Variants in GUCY1A2 observed in about 807,000 individuals in gnomAD.
The protein encoded by GUCY1A2 is guanylate cyclase 1 soluble subunit alpha 2, also known as guanylate cyclase soluble subunit alpha-2.
In GUCY1A2, 27 loss-of-function variants were observed where a neutral mutation model predicts 63.5. The observed-to-expected ratio is 0.43, with a 90% CI of 0.31 to 0.59. GUCY1A2 has a LOEUF of 0.59. Among genes scored for constraint, GUCY1A2 ranks in the 20% least tolerant of loss-of-function variants. GUCY1A2 has a pLI of 0.11. For synonymous variants in GUCY1A2, 364 were observed against 343.5 expected (o/e 1.06, Z -0.66); for missense variants, 768 against 913.3 (o/e 0.84, Z 2.05).
rs1348279151 is a variant in GUCY1A2, at chr11:106,798,302, C to CA, written c.1692+11690dup. 1.1e-4 allele frequency among the ~76,000 whole-genome samples: 17 copies of CA among 152,176 alleles called. No individual in the cohort carries two copies. The East Asian group carries it at 3.1e-3, about 28-fold the overall frequency. ...CTACCAACCAAAAAAAGTCCAGGAC[C>CA]AGACGGATTCACAGCCGAATTCTAC... On this transcript the variant is annotated intron_variant, in intron 5 of 7. Coordinates refer to ENST00000526355, the MANE Select transcript of GUCY1A2 (RefSeq NM_000855.3).
chr11:106,710,335 TA>T (rs1863092421), intron 6 of GUCY1A2, among the ~76,000 whole-genome samples: 1 of 71,018 alleles, frequency 1.4e-5, no homozygotes, highest in African/African-American at 6.0e-5. Flanking sequence ...GTTATATATA[TA>T]ATATATAGTT....
rs1272051461 is a variant in GUCY1A2 at position 106,891,430 on chromosome 11, A to G, written c.1206+48030T>C. Among the ~76,000 whole-genome samples the G allele has an allele frequency of 1.3e-5, 2 of 152,120 alleles. 1 individual carries two copies. Among genetic ancestry groups the G allele is most frequent in the East Asian group, 3.8e-4 (2 of 5,202 alleles). The stretch of plus-strand genomic sequence containing the variant: ...CACTTTCTGCCTTTTGATGAAGAAA[A>G]TATTTAATTTTGATGAAATTTAATT... On this transcript the variant is annotated intron_variant, in intron 4 of 7. Transcript: ENST00000526355.
chr11:106,738,317 A>G (rs567011507), intron 6 of GUCY1A2, among the ~76,000 whole-genome samples: 1 of 152,292 alleles, frequency 6.6e-6, no homozygotes, highest in South Asian at 2.1e-4. Context: ...ATAGATTGCA[A>G]AAACTTTCTC....
intron 4 of GUCY1A2, among the ~76,000 whole-genome samples, chr11:106,823,609 C>A (rs972324160): frequency 2.6e-5 from 4 of 152,052 alleles, no homozygotes; most frequent in Non-Finnish European, 4.4e-5. Context: ...ATTGCTGGGT[C>A]AAACAGTGGT....
At chr11:106,756,728 A>T (rs1444815802) in intron 6 of GUCY1A2, among the ~76,000 whole-genome samples, 2 of 152,174 alleles carry the variant, frequency 1.3e-5, no homozygotes, top group Non-Finnish European at 2.9e-5. Flanking sequence ...TGTTAGTCTG[A>T]TGAGCTTCCC....
Position 106,685,411 on chromosome 11 carries a change from G to T in GUCY1A2, c.*2138C>A. The T allele has an allele frequency of 4.6e-6, 1 of 218,210 alleles. No individual in the cohort carries two copies. The highest frequency in any genetic ancestry group is 6.8e-5 in the East Asian group (1 of 14,678). The allele number at this position is 218,210 out of a possible 1,614,324, so 13.5% of individuals were successfully genotyped here. A position where few individuals can be genotyped will look rare whatever the true frequency, so the allele number is the denominator to read the frequency against. ...TATGGAGATAATAAATATGTGTTTA[G>T]AGTAGTTGCTTAGACAAATCTTTAT... On this transcript the variant is annotated 3_prime_UTR_variant, in exon 8 of 8. Coordinates refer to ENST00000526355, the MANE Select transcript of GUCY1A2 (RefSeq NM_000855.3).
chr11:106,730,190 G>A (rs1863478896), intron 6 of GUCY1A2, among the ~76,000 whole-genome samples: 1 of 150,484 alleles, frequency 6.6e-6, no homozygotes, highest in Non-Finnish European at 1.5e-5. Flanking sequence ...CATGTCACGG[G>A]TGTTTGTTGT....
chr11:107,017,998 C>T lies in GUCY1A2; in HGVS notation c.58G>A (p.Glu20Lys), dbSNP rs1458290338. Reference protein sequence around the residue: ...SFSSLGSDYLETSPEEEGECP... With the variant: ...SFSSLGSDYLKTSPEEEGECP... ...TCCCCCTCCTCCTCCGGGCTGGTCT[C>T]CAGGTAGTCGGAGCCCAGGGAGCTG... is the stretch of plus-strand genomic sequence containing the variant. The change falls in exon 1 of 8, where the codon GAG (glutamate) becomes AAG (lysine). Residue 20 changes from glutamate (E) to lysine (K), a missense_variant. Glu to Lys is a moderately conservative substitution (Grantham distance 56). Around this residue, in one of 3 missense-constraint regions of GUCY1A2, gnomAD observed 496 missense variants for 486.9 expected, o/e 1.02. Coordinates refer to ENST00000526355, the MANE Select transcript of GUCY1A2 (RefSeq NM_000855.3). The T allele has an allele frequency of 1.4e-6, 2 of 1,467,410 alleles. No individual in the cohort carries two copies. The highest frequency in any genetic ancestry group is 1.8e-6 in the Non-Finnish European group (2 of 1,098,342). 90.9% of individuals were successfully genotyped at this position (1,467,410 alleles called of 1,614,324 possible).
At chr11:106,853,848 G>A (rs1859389701) in intron 4 of GUCY1A2, among the ~76,000 whole-genome samples, 1 of 152,158 alleles carries the variant, frequency 6.6e-6, no homozygotes, top group Non-Finnish European at 1.5e-5. Context: ...TCAGTAGGGT[G>A]TTTTGGCTTT....
intron 1 of GUCY1A2, among the ~76,000 whole-genome samples, chr11:106,991,165 C>A (rs1014445838): frequency 1.6e-4 from 24 of 146,786 alleles, no homozygotes; most frequent in African/African-American, 6.0e-4. Flanking sequence ...TTTTTTTTTT[C>A]TTTTTTTGTA....
intron 7 of GUCY1A2, among the ~76,000 whole-genome samples, chr11:106,693,993 T>C (rs1862672552): frequency 6.6e-6 from 1 of 152,210 alleles, no homozygotes; most frequent in African/African-American, 2.4e-5. Flanking sequence ...TATCTTTCTA[T>C]TTAAGTATAA....
At chr11:106,999,494 T>C (rs779142946) in intron 1 of GUCY1A2, among the ~76,000 whole-genome samples, 17 of 152,206 alleles carry the variant, frequency 1.1e-4, no homozygotes, top group Non-Finnish European at 1.8e-4. Context: ...GTAACATCTT[T>C]ACATGGTTTA....
At chr11:106,751,543 A>G (rs1292111611) in intron 6 of GUCY1A2, among the ~76,000 whole-genome samples, 1 of 150,874 alleles carries the variant, frequency 6.6e-6, no homozygotes, top group African/African-American at 2.4e-5. Context: ...TGTGAATAGT[A>G]CTGTATCACA....
At position 106,675,216 on chromosome 11, in the gene GUCY1A2, C is replaced by T. The variant is rs1442635307; in HGVS notation, c.*12333G>A. On this transcript the variant is annotated 3_prime_UTR_variant, in exon 8 of 8. Coordinates refer to ENST00000526355, the MANE Select transcript of GUCY1A2 (RefSeq NM_000855.3). ...CTTAATTACCGAAGTTATAATGTAG[C>T]TACAGGCAGCTGTTATAAAACTTCT... 1 of 203,458 alleles carries T rather than the reference C, an allele frequency of 4.9e-6. No individual in the cohort carries two copies. The highest frequency in any genetic ancestry group is 1.0e-5 in the Non-Finnish European group (1 of 99,732). The allele number at this position is 203,458 out of a possible 1,614,324, so 12.6% of individuals were successfully genotyped here.
chr11:106,824,889 G>T, intron 4 of GUCY1A2: 3 of 1,612,638 alleles, frequency 1.9e-6, no homozygotes, highest in Non-Finnish European at 2.5e-6. Context: ...GAAGAAGGCT[G>T]CAAACATGCT....
intron 5 of GUCY1A2, among the ~76,000 whole-genome samples, chr11:106,781,370 C>T (rs567435455): frequency 4.6e-5 from 7 of 152,096 alleles, no homozygotes; most frequent in African/African-American, 7.2e-5. Context: ...ATTTTCTGAA[C>T]ATAGAAGAGG....
At chr11:106,904,514 TAAC>T (rs1315917396) in intron 4 of GUCY1A2, among the ~76,000 whole-genome samples, 1 of 152,112 alleles carries the variant, frequency 6.6e-6, no homozygotes, top group East Asian at 1.9e-4. Flanking sequence ...GAGGAGCACT[TAAC>T]AATCAATTTC....
At chr11:106,786,816 C>T (rs58448050) in intron 5 of GUCY1A2, among the ~76,000 whole-genome samples, 6,855 of 152,200 alleles carry the variant, frequency 0.045, 148 homozygotes, top group East Asian at 0.091. Context: ...TGCAAACTTT[C>T]TGTACCTCCC....
chr11:106,709,506 ATAT>A (rs367712778), intron 6 of GUCY1A2, among the ~76,000 whole-genome samples: 44,928 of 83,222 alleles, frequency 0.54, 13,884 homozygotes, highest in African/African-American at 0.73. Context: ...ATAATAATAT[ATAT>A]TATTCTATAA....
Sources: gnomAD v4.1 joint callset for allele counts (sites outside exome capture counted in the v4.1 genomes callset) on GRCh38, gnomAD v4.1.1 for gene constraint, gnomAD v4.1.1 regional missense constraint, MANE v1.5 for transcripts, NCBI Gene and HGNC (gene_info 2026-07-23, HGNC 2026-07-21) for gene names.